The following OSBP2 variants were observed in gnomAD, a reference collection of about 807,000 sequenced individuals.
The protein encoded by OSBP2 is oxysterol binding protein 2, also known as oxysterol-binding protein 2.
In OSBP2, 66 loss-of-function variants were observed where a neutral mutation model predicts 96.0. The ratio of observed to expected loss-of-function variants is 0.69; its 90% confidence interval spans 0.56 to 0.84. The LOEUF (loss-of-function observed/expected upper bound fraction) is 0.84. OSBP2 is among the 40% of genes least tolerant of loss of function. The pLI is 0.00. For missense variants in OSBP2, 1,038 were observed against 1,222.7 expected (o/e 0.85, Z 2.25); for synonymous variants, 525 against 520.9 (o/e 1.01, Z -0.11).
At chr22:30,722,123 A>T (rs2089561382) in intron 1 of OSBP2, among the ~76,000 whole-genome samples, 1 of 152,192 alleles carries the variant, frequency 6.6e-6, no homozygotes, top group African/African-American at 2.4e-5. Context: ...GCCAGCTCCC[A>T]GCTTCTTGTC....
At chr22:30,824,924 A>C (rs2038365827) in intron 2 of OSBP2, among the ~76,000 whole-genome samples, 1 of 152,186 alleles carries the variant, frequency 6.6e-6, no homozygotes, top group Non-Finnish European at 1.5e-5. Flanking sequence ...CTAGGCTGTC[A>C]GGAGCCTGGC....
intron 1 of OSBP2, among the ~76,000 whole-genome samples, chr22:30,732,410 T>A (rs780332819): frequency 3.9e-5 from 6 of 152,150 alleles, no homozygotes; most frequent in Non-Finnish European, 8.8e-5. Flanking sequence ...ACCTAATTCC[T>A]CATGGCAATT....
chr22:30,702,159 G>T (rs1436556746), intron 1 of OSBP2, among the ~76,000 whole-genome samples: 1 of 151,992 alleles, frequency 6.6e-6, no homozygotes, highest in African/African-American at 2.4e-5. Context: ...ATCTCCTCTA[G>T]CTCCTCCTCT....
intron 2 of OSBP2, among the ~76,000 whole-genome samples, chr22:30,764,567 C>T (rs1013246555): frequency 9.2e-5 from 14 of 152,098 alleles, no homozygotes; most frequent in East Asian, 3.9e-4. Flanking sequence ...CCTCTCTTCC[C>T]GTTTGAAGGA....
chr22:30,719,131 G>T (rs1421400250), intron 1 of OSBP2, among the ~76,000 whole-genome samples: 2 of 152,054 alleles, frequency 1.3e-5, no homozygotes, highest in Admixed American at 1.3e-4. Flanking sequence ...TCTCCAGCCT[G>T]TACTTACCTG....
chr22:30,783,474 A>T (rs1264852537), intron 2 of OSBP2, among the ~76,000 whole-genome samples: 1 of 151,568 alleles, frequency 6.6e-6, no homozygotes, highest in Non-Finnish European at 1.5e-5. Context: ...GGTGTGTGCC[A>T]CCATGGCCGG....
intron 2 of OSBP2, among the ~76,000 whole-genome samples, chr22:30,805,883 C>T (rs2090922064): frequency 6.6e-6 from 1 of 152,180 alleles, no homozygotes; most frequent in South Asian, 2.1e-4. Flanking sequence ...GGAGTCTGTT[C>T]AGAGAAACCC....
At chr22:30,767,111 G>A (rs1427036493) in intron 2 of OSBP2, among the ~76,000 whole-genome samples, 1 of 134,584 alleles carries the variant, frequency 7.4e-6, no homozygotes, top group Admixed American at 7.8e-5. Context: ...TGGCCAACAC[G>A]GTGAAATCCC....
chr22:30,810,271 G>T (rs1419567383), intron 2 of OSBP2, among the ~76,000 whole-genome samples: 1 of 152,110 alleles, frequency 6.6e-6, no homozygotes, highest in Non-Finnish European at 1.5e-5. Context: ...AGGGGTGGTT[G>T]GTGTGACTCA....
intron 2 of OSBP2, among the ~76,000 whole-genome samples, chr22:30,810,919 C>T (rs973963039): frequency 1.3e-5 from 2 of 152,140 alleles, no homozygotes; most frequent in African/African-American, 2.4e-5. Context: ...CAGGTTTCAG[C>T]GTGAGCCGGA....
chr22:30,793,931 T>C (rs898063949), intron 2 of OSBP2, among the ~76,000 whole-genome samples: 4 of 152,224 alleles, frequency 2.6e-5, no homozygotes, highest in Non-Finnish European at 5.9e-5. Flanking sequence ...TGTTCATTTA[T>C]GATGAATGGA....
intron 2 of OSBP2, among the ~76,000 whole-genome samples, chr22:30,830,918 A>G (rs1396141277): frequency 1.3e-5 from 2 of 151,722 alleles, no homozygotes; most frequent in Non-Finnish European, 2.9e-5. Context: ...ACATGGCTGT[A>G]CATCATAAAC....
At chr22:30,850,787 C>G (rs1213621346) in intron 2 of OSBP2, among the ~76,000 whole-genome samples, 2 of 152,234 alleles carry the variant, frequency 1.3e-5, no homozygotes, top group Non-Finnish European at 2.9e-5. Context: ...GCGTGAGGCA[C>G]TGCACCCGGC....
intron 2 of OSBP2, among the ~76,000 whole-genome samples, chr22:30,759,698 G>A (rs2145770174): frequency 6.6e-6 from 1 of 152,216 alleles, no homozygotes; most frequent in Middle Eastern, 3.4e-3. Context: ...TATTAAAGAA[G>A]TTGCATTCAT....
At chr22:30,867,939 C>G (rs2039378998) in intron 2 of OSBP2, among the ~76,000 whole-genome samples, 1 of 152,268 alleles carries the variant, frequency 6.6e-6, no homozygotes, top group Non-Finnish European at 1.5e-5. Flanking sequence ...GCTGGCCGTT[C>G]TGGTTATTAG....
At position 30,881,910 on chromosome 22, in the gene OSBP2, C is replaced by A; in HGVS notation, c.1108-5516C>A. 1 of 976,096 alleles carries A rather than the reference C, an allele frequency of 1.0e-6. No homozygotes were observed. Among genetic ancestry groups the A allele is most frequent in the Non-Finnish European group, 1.4e-6 (1 of 711,608 alleles). The allele number at this position is 976,096 out of a possible 1,614,324, so 60.5% of individuals were successfully genotyped here. A position where few individuals can be genotyped will look rare whatever the true frequency, so the allele number is the denominator to read the frequency against. ...AGGTCTTGGGTGCAGCCACATGAGG[C>A]CTTTGATATTAGGGCACAGCAGTTT... On this transcript the variant is annotated intron_variant, in intron 3 of 13. Coordinates refer to ENST00000332585, the MANE Select transcript of OSBP2 (RefSeq NM_030758.4). The surrounding 1 kb of genome is among the most constrained non-coding windows in gnomAD (Gnocchi z 4.5).
intron 2 of OSBP2, among the ~76,000 whole-genome samples, chr22:30,765,811 C>T (rs936242540): frequency 1.3e-5 from 2 of 152,214 alleles, no homozygotes; most frequent in Non-Finnish European, 2.9e-5. Context: ...TGCAGCCCCT[C>T]TCTCTACCTA....
rs1346293617 is a variant in OSBP2 at position 30,887,354 on chromosome 22, G to T, written c.1108-72G>T. On this transcript the variant is annotated intron_variant, in intron 3 of 13. Transcript: ENST00000332585. ...CTCCTGTTTAAGGTGGAGTTGCTCTGGTTCACATGCCTCTGACAGATGGGC... is the reference window on the plus strand; with the variant it reads ...CTCCTGTTTAAGGTGGAGTTGCTCTTGTTCACATGCCTCTGACAGATGGGC... 3.7e-6 allele frequency: 5 copies of T among 1,352,372 alleles called. No homozygotes were observed. In the South Asian group the frequency reaches 5.0e-5, roughly 14 times the overall value. 83.8% of individuals were successfully genotyped at this position (1,352,372 alleles called of 1,614,324 possible).
chr22:30,881,916 A>G lies in OSBP2; in HGVS notation c.1108-5510A>G. On this transcript the variant is annotated intron_variant, in intron 3 of 13. Transcript: ENST00000332585. The surrounding 1 kb of genome is among the most constrained non-coding windows in gnomAD (Gnocchi z 4.5). ...TGGGTGCAGCCACATGAGGCCTTTG[A>G]TATTAGGGCACAGCAGTTTTCACCC... is the stretch of plus-strand genomic sequence containing the variant. 1.1e-6 allele frequency: 1 copy of G among 902,872 alleles called. No homozygotes were observed. Among genetic ancestry groups the G allele is most frequent in the Non-Finnish European group, 1.5e-6 (1 of 649,312 alleles). 55.9% of individuals were successfully genotyped at this position (902,872 alleles called of 1,614,324 possible). A position where few individuals can be genotyped will look rare whatever the true frequency, so the allele number is the denominator to read the frequency against.
Sources: gnomAD v4.1 joint callset for allele counts (sites outside exome capture counted in the v4.1 genomes callset) on GRCh38, gnomAD v4.1.1 for gene constraint, Gnocchi (gnomAD v3.1) non-coding constraint, MANE v1.5 for transcripts, NCBI Gene and HGNC (gene_info 2026-07-23, HGNC 2026-07-21) for gene names.